The following MGAT4C variants were observed in gnomAD, a reference collection of about 807,000 sequenced individuals.
MGAT4C encodes the protein alpha-1,3-mannosyl-glycoprotein 4-beta-N-acetylglucosaminyltransferase C.
MGAT4C carries 19 observed loss-of-function variants against 40.1 expected under a neutral mutation model. The ratio of observed to expected loss-of-function variants is 0.47; its 90% confidence interval spans 0.33 to 0.70. MGAT4C has a LOEUF of 0.70. MGAT4C is among the 30% of genes least tolerant of loss of function. The probability of loss-of-function intolerance (pLI) is 0.02; values close to 1 mark genes in which losing one functional copy is unlikely to be tolerated. For synonymous variants in MGAT4C, 181 were observed against 187.1 expected, an observed-to-expected ratio of 0.97 and a Z score of 0.27; for missense variants, 491 against 563.2, an observed-to-expected ratio of 0.87 and a Z score of 1.30.
intron 1 of MGAT4C, among the ~76,000 whole-genome samples, chr12:86,077,329 A>C (rs144693805): frequency 2.1e-3 from 321 of 152,342 alleles, no homozygotes; most frequent in African/African-American, 7.4e-3. Flanking sequence ...CCAGAAATGC[A>C]CCATTTCCCA....
At chr12:86,392,386 C>T (rs1321315544) in intron 3 of MGAT4C, among the ~76,000 whole-genome samples, 1 of 152,058 alleles carries the variant, frequency 6.6e-6, no homozygotes, top group Admixed American at 6.6e-5. Flanking sequence ...GCAAAAGAAT[C>T]ACTGGAACCC....
chr12:86,241,735 A>G (rs919839502), intron 1 of MGAT4C, among the ~76,000 whole-genome samples: 1 of 152,136 alleles, frequency 6.6e-6, no homozygotes, highest in Non-Finnish European at 1.5e-5. Flanking sequence ...TTATGTGGGA[A>G]AGCACTTTAT....
intron 2 of MGAT4C, among the ~76,000 whole-genome samples, chr12:86,626,035 G>C (rs1962794599): frequency 6.6e-6 from 1 of 152,028 alleles, no homozygotes; most frequent in African/African-American, 2.4e-5. Context: ...AAAAACAAAA[G>C]GATGAAAAGG....
intron 2 of MGAT4C, among the ~76,000 whole-genome samples, chr12:86,043,778 C>G (rs1310523859): frequency 6.6e-6 from 1 of 152,208 alleles, no homozygotes; most frequent in African/African-American, 2.4e-5. Context: ...AATTTGGTCT[C>G]TTTACATTTT....
Position 86,147,247 on chromosome 12 carries a change from T to A in MGAT4C, c.-56-97524A>T, listed in dbSNP as rs961210833. ...AATAAGATAGCAGAAATTTATTAAATTTTTTTTTTTTTGAGACGTAGTCTC... is the reference window on the plus strand; with the variant it reads ...AATAAGATAGCAGAAATTTATTAAAATTTTTTTTTTTTGAGACGTAGTCTC... On this transcript the variant is annotated intron_variant, in intron 1 of 4. Transcript: ENST00000611864. Among the ~76,000 whole-genome samples, 4 of 130,254 alleles carry A rather than the reference T, an allele frequency of 3.1e-5. No individual in the cohort carries two copies. The East Asian group carries it at 6.3e-4, about 20-fold the overall frequency. The allele number at this position is 130,254 out of a possible 152,430, so 85.5% of individuals were successfully genotyped here.
chr12:86,186,085 T>C (rs931322499), intron 1 of MGAT4C, among the ~76,000 whole-genome samples: 1 of 152,132 alleles, frequency 6.6e-6, no homozygotes, highest in African/African-American at 2.4e-5. Context: ...CTCAGGCTTA[T>C]AGGAGAGAGA....
chr12:86,712,915 A>G (rs1434458078), intron 2 of MGAT4C, among the ~76,000 whole-genome samples: 1 of 152,170 alleles, frequency 6.6e-6, no homozygotes, highest in East Asian at 1.9e-4. Flanking sequence ...TTCCCCTATA[A>G]GACGAGTAAT....
chr12:86,311,926 C>T (rs548612586), intron 4 of MGAT4C, among the ~76,000 whole-genome samples: 51 of 152,212 alleles, frequency 3.4e-4, no homozygotes, highest in Non-Finnish European at 6.0e-4. Flanking sequence ...TATGCATATA[C>T]ATTACAGGGA....
At chr12:86,075,238 A>G (rs1869455228) in intron 1 of MGAT4C, among the ~76,000 whole-genome samples, 1 of 152,178 alleles carries the variant, frequency 6.6e-6, no homozygotes, top group Admixed American at 6.5e-5. Context: ...AAGGGGTTAC[A>G]GGACCATGCA....
intron 4 of MGAT4C, among the ~76,000 whole-genome samples, chr12:86,310,756 G>A (rs972030198): frequency 3.3e-5 from 5 of 151,726 alleles, no homozygotes; most frequent in Non-Finnish European, 7.4e-5. Flanking sequence ...TCCCTGTCTC[G>A]GCTAAAAATA....
chr12:86,225,605 G>T (rs535694978), intron 1 of MGAT4C, among the ~76,000 whole-genome samples: 1 of 152,178 alleles, frequency 6.6e-6, no homozygotes, highest in East Asian at 1.9e-4. Context: ...CCATGATAAA[G>T]TGTGATATAT....
chr12:86,171,328 C>G (rs1010501345), intron 1 of MGAT4C, among the ~76,000 whole-genome samples: 9 of 151,908 alleles, frequency 5.9e-5, no homozygotes, highest in Non-Finnish European at 1.2e-4. Flanking sequence ...GAGATTGTAC[C>G]ATTGCACTCC....
intron 1 of MGAT4C, chr12:86,068,080 A>G (rs1339096405): frequency 6.6e-6 from 1 of 152,198 alleles, no homozygotes; most frequent in Admixed American, 6.5e-5. Flanking sequence ...CACTTCAGTT[A>G]ATTTGGAAAT....
At chr12:86,266,443 T>A (rs565761571) in intron 4 of MGAT4C, among the ~76,000 whole-genome samples, 3 of 152,350 alleles carry the variant, frequency 2.0e-5, no homozygotes, top group Admixed American at 6.5e-5. Context: ...TCATATTTAC[T>A]GGTCAGCATA....
At chr12:86,283,953 T>C (rs534952596) in intron 4 of MGAT4C, among the ~76,000 whole-genome samples, 1 of 152,248 alleles carries the variant, frequency 6.6e-6, no homozygotes, top group Non-Finnish European at 1.5e-5. Flanking sequence ...GCTGCATCTA[T>C]TAAATCTACT....
intron 1 of MGAT4C, among the ~76,000 whole-genome samples, chr12:86,814,149 C>T (rs978957494): frequency 2.6e-5 from 4 of 151,638 alleles, no homozygotes; most frequent in Admixed American, 6.6e-5. Flanking sequence ...TGACCTCAGG[C>T]TGATAGATAT....
At chr12:86,190,131 T>A (rs548968346) in intron 1 of MGAT4C, among the ~76,000 whole-genome samples, 51 of 152,154 alleles carry the variant, frequency 3.4e-4, no homozygotes, top group African/African-American at 1.0e-3. Context: ...ATTTGGGGAA[T>A]AAATGCCAAA....
At chr12:86,497,862 C>A (rs938173211) in intron 2 of MGAT4C, among the ~76,000 whole-genome samples, 10 of 142,452 alleles carry the variant, frequency 7.0e-5, no homozygotes, top group Non-Finnish European at 1.4e-4. Context: ...TTCACCTTTA[C>A]CAGATTGCTA....
intron 1 of MGAT4C, among the ~76,000 whole-genome samples, chr12:86,193,221 T>A (rs1481614132): frequency 6.6e-6 from 1 of 151,938 alleles, no homozygotes; most frequent in East Asian, 1.9e-4. Flanking sequence ...AAATCCTTTT[T>A]TATTTTCCAC....
Sources: allele counts gnomAD v4.1 joint callset (sites outside exome capture counted in the v4.1 genomes callset), GRCh38; gene constraint gnomAD v4.1.1; transcripts MANE v1.5; gene names NCBI Gene and HGNC (gene_info 2026-07-23, HGNC 2026-07-21).